SLC6A3: variants seen among roughly 807,000 people sequenced by gnomAD.
The protein encoded by SLC6A3 is sodium-dependent dopamine transporter.
Under a neutral mutation model 70.4 loss-of-function variants are expected in SLC6A3, and 19 were observed. The observed-to-expected ratio is 0.27, with a 90% CI of 0.19 to 0.40. The LOEUF (loss-of-function observed/expected upper bound fraction) is 0.40. Among genes scored for constraint, SLC6A3 ranks in the 10% least tolerant of loss-of-function variants. The pLI, the probability that SLC6A3 is intolerant of heterozygous loss-of-function variation, is 1.00. For synonymous variants in SLC6A3, 368 were observed against 356.6 expected, an observed-to-expected ratio of 1.03 and a Z score of -0.36; for missense variants, 613 against 838.5, an observed-to-expected ratio of 0.73 and a Z score of 3.32.
rs527539343 is a variant in SLC6A3, at chr5:1,424,932, G to C, written c.654-2918C>G. On this transcript the variant is annotated intron_variant, in intron 4 of 14. Coordinates refer to ENST00000270349, the MANE Select transcript of SLC6A3 (RefSeq NM_001044.5). ...CACAGCATGGGAACCAGCCATGCCA[G>C]GAGCAGGGGAAAGCTGTGCGTCTCC... Among the ~76,000 whole-genome samples, 45 of 152,368 alleles carry C rather than the reference G, an allele frequency of 3.0e-4. No individual in the cohort carries two copies. In the South Asian group the frequency reaches 8.9e-3, roughly 30 times the overall value.
chr5:1,407,791 C>T (rs1222994540), intron 11 of SLC6A3, among the ~76,000 whole-genome samples: 1 of 152,180 alleles, frequency 6.6e-6, no homozygotes, highest in African/African-American at 2.4e-5. Flanking sequence ...TTGATATTTC[C>T]GTTTTCTGTA....
Position 1,394,683 on chromosome 5 carries a change from CGT to C in SLC6A3, c.*50_*51del, listed in dbSNP as rs770614994. 154 of 1,573,784 alleles carry C rather than the reference CGT, an allele frequency of 9.8e-5. No individual in the cohort carries two copies. The highest frequency in any genetic ancestry group is 1.2e-4 in the Non-Finnish European group (140 of 1,143,304). On this transcript the variant is annotated 3_prime_UTR_variant, in exon 15 of 15. Transcript: ENST00000270349. This position sits in a 1 kb window ranked among gnomAD's most constrained non-coding sequence, Gnocchi z 4.7. ...GAAACTTAGATTTCCTTGGTTTGTT[CGT>C]GTCTCTCCCATTGCAGGATGACTTC...
intron 6 of SLC6A3, among the ~76,000 whole-genome samples, chr5:1,417,350 C>G (rs945139956): frequency 6.6e-6 from 1 of 152,248 alleles, no homozygotes; most frequent in Admixed American, 6.5e-5. Flanking sequence ...ATGGCAGCAC[C>G]CTGATAACCC....
intron 6 of SLC6A3, chr5:1,416,519 C>A (rs1579711519): frequency 4.1e-6 from 2 of 488,098 alleles, no homozygotes; most frequent in East Asian, 7.9e-5. Flanking sequence ...AGCATGGACT[C>A]ATCCACACAC....
chr5:1,400,811 G>T, intron 14 of SLC6A3, 104 bp downstream of exon 14: 1 of 851,424 alleles, frequency 1.2e-6, no homozygotes, highest in Non-Finnish European at 2.0e-6. Flanking sequence ...GAGTAAATGA[G>T]CACCATCTAC....
At chr5:1,444,472 ACAC>A (rs543056857) in intron 1 of SLC6A3, among the ~76,000 whole-genome samples, 130 of 152,104 alleles carry the variant, frequency 8.5e-4, no homozygotes, top group African/African-American at 3.0e-3. Flanking sequence ...GCGCACACAC[ACAC>A]AACGACTGAA....
rs752111536 is a variant in SLC6A3, at chr5:1,405,597, C to A, written c.1599+591G>T. Among the ~76,000 whole-genome samples the A allele has an allele frequency of 2.6e-5, 4 of 152,246 alleles. No individual in the cohort carries two copies. The highest frequency in any genetic ancestry group is 4.4e-5 in the Non-Finnish European group (3 of 68,036). ...CTGTGGTTCAGTGGGGGAAGCACTGCAGGCAATCCCTAATGAAAGTGTGCG... is the reference window on the plus strand; with the variant it reads ...CTGTGGTTCAGTGGGGGAAGCACTGAAGGCAATCCCTAATGAAAGTGTGCG... On this transcript the variant is annotated intron_variant, in intron 12 of 14. Coordinates refer to ENST00000270349, the MANE Select transcript of SLC6A3 (RefSeq NM_001044.5). This position sits in a 1 kb window ranked among gnomAD's most constrained non-coding sequence, Gnocchi z 5.3.
intron 4 of SLC6A3, among the ~76,000 whole-genome samples, chr5:1,429,020 C>T (rs1018570710): frequency 6.6e-6 from 1 of 152,226 alleles, no homozygotes; most frequent in Admixed American, 6.5e-5. Flanking sequence ...GGACAAAGAG[C>T]TGCACTGTCA....
chr5:1,404,914 C>G lies in SLC6A3; in HGVS notation c.1599+1274G>C, dbSNP rs1375203364. ...TTATCTCCTAAGATCGAGGTCAGCC[C>G]TCTGGGTGTTAAGAGGAGACACCCC... On this transcript the variant is annotated intron_variant, in intron 12 of 14. Coordinates refer to ENST00000270349, the MANE Select transcript of SLC6A3 (RefSeq NM_001044.5). This position sits in a 1 kb window ranked among gnomAD's most constrained non-coding sequence, Gnocchi z 5.2. 2.0e-5 allele frequency among the ~76,000 whole-genome samples: 3 copies of G among 152,184 alleles called. No homozygotes were observed. The highest frequency in any genetic ancestry group is 6.5e-5 in the Admixed American group (1 of 15,290).
rs751429563 is a variant in SLC6A3, at chr5:1,416,248, C to T, written c.928-47G>A. 2.7e-6 allele frequency: 4 copies of T among 1,458,208 alleles called. No homozygotes were observed. In the Admixed American group the frequency reaches 6.7e-5, roughly 25 times the overall value. 90.3% of individuals were successfully genotyped at this position (1,458,208 alleles called of 1,614,324 possible). A position where few individuals can be genotyped will look rare whatever the true frequency, so the allele number is the denominator to read the frequency against. On this transcript the variant is annotated intron_variant, in intron 6 of 14. Transcript: ENST00000270349. ...AGAGGCTGTCCCAGGAGAACGCAGGCCACAGGCAAAGGACCTGAGCACCCT... is the reference window on the plus strand; with the variant it reads ...AGAGGCTGTCCCAGGAGAACGCAGGTCACAGGCAAAGGACCTGAGCACCCT...
chr5:1,420,264 G>A (rs1181163163), intron 6 of SLC6A3, among the ~76,000 whole-genome samples: 1 of 152,212 alleles, frequency 6.6e-6, no homozygotes, highest in Non-Finnish European at 1.5e-5. Flanking sequence ...TTCTGGACAA[G>A]GGTCCCATCC....
rs763104278 is a variant in SLC6A3, at chr5:1,437,876, G to C, written c.418+3483C>G. Among the ~76,000 whole-genome samples, 2 of 152,182 alleles carry C rather than the reference G, an allele frequency of 1.3e-5. No homozygotes were observed. Among genetic ancestry groups the C allele is most frequent in the African/African-American group, 2.4e-5 (1 of 41,448 alleles). On this transcript the variant is annotated intron_variant, in intron 3 of 14. Coordinates refer to ENST00000270349, the MANE Select transcript of SLC6A3 (RefSeq NM_001044.5). This position sits in a 1 kb window ranked among gnomAD's most constrained non-coding sequence, Gnocchi z 4.8. ...TTTAGCTGATGTCTTAATTTACCAC[G>C]TGGCACTTCTATTCAATGAGACATG...
Position 1,406,926 on chromosome 5 carries a change from TAG to T in SLC6A3, c.1499-640_1499-639del, listed in dbSNP as rs2126333706. ...GCCTCTGCAACTGGTTTACTCCCTG[TAG>T]AGTGTCCCTGAGGCCACCTAAGCTG... is the stretch of plus-strand genomic sequence containing the variant. On this transcript the variant is annotated intron_variant, in intron 11 of 14. Transcript: ENST00000270349. The surrounding 1 kb of genome is among the most constrained non-coding windows in gnomAD (Gnocchi z 8.8). Among the ~76,000 whole-genome samples the T allele has an allele frequency of 6.6e-6, 1 of 152,330 alleles. No individual in the cohort carries two copies. The highest frequency in any genetic ancestry group is 1.9e-4 in the East Asian group (1 of 5,168).
Position 1,394,875 on chromosome 5 carries a change from T to C in SLC6A3, c.1840-117A>G. The stretch of plus-strand genomic sequence containing the variant: ...CAGACAGTTTGCAGCCTCCTGGCCA[T>C]GTGCCCTGGGAGAAGGGGAGGCTCA... On this transcript the variant is annotated intron_variant, in intron 14 of 14. Coordinates refer to ENST00000270349, the MANE Select transcript of SLC6A3 (RefSeq NM_001044.5). This position sits in a 1 kb window ranked among gnomAD's most constrained non-coding sequence, Gnocchi z 4.7. 8.8e-7 allele frequency: 1 copy of C among 1,140,096 alleles called. No homozygotes were observed. The highest frequency in any genetic ancestry group is 1.3e-6 in the Non-Finnish European group (1 of 755,062). The allele number at this position is 1,140,096 out of a possible 1,614,324, so 70.6% of individuals were successfully genotyped here.
At chr5:1,403,812 G>A (rs572078237) in intron 12 of SLC6A3, among the ~76,000 whole-genome samples, 7 of 152,150 alleles carry the variant, frequency 4.6e-5, no homozygotes, top group Non-Finnish European at 1.0e-4. Flanking sequence ...GCCACTTGGA[G>A]GGGAAGCTTC....
rs1303592321 is a variant in SLC6A3, at chr5:1,442,430, C to T, written c.286+482G>A. On this transcript the variant is annotated intron_variant, in intron 2 of 14. Coordinates refer to ENST00000270349, the MANE Select transcript of SLC6A3 (RefSeq NM_001044.5). This position sits in a 1 kb window ranked among gnomAD's most constrained non-coding sequence, Gnocchi z 5.0. ...TTGGACGTCCCCGGTGGCCCTGCCT[C>T]GATCTTCGCTTTCTGGCTCTGTGGC... 6.6e-6 allele frequency among the ~76,000 whole-genome samples: 1 copy of T among 152,140 alleles called. No homozygotes were observed. Among genetic ancestry groups the T allele is most frequent in the East Asian group, 1.9e-4 (1 of 5,186 alleles).
chr5:1,442,689 C>T lies in SLC6A3; in HGVS notation c.286+223G>A, dbSNP rs1447036759. 6.6e-6 allele frequency among the ~76,000 whole-genome samples: 1 copy of T among 152,080 alleles called. No individual in the cohort carries two copies. The highest frequency in any genetic ancestry group is 1.5e-5 in the Non-Finnish European group (1 of 68,008). Reference sequence around the variant, plus strand: ...CCAGCTTCTTCGCGGGCCTCCCTTTCCTAAACTCTGAAATGCAGGCGTGGG... The same window carrying T: ...CCAGCTTCTTCGCGGGCCTCCCTTTTCTAAACTCTGAAATGCAGGCGTGGG... On this transcript the variant is annotated intron_variant, in intron 2 of 14. Coordinates refer to ENST00000270349, the MANE Select transcript of SLC6A3 (RefSeq NM_001044.5). The surrounding 1 kb of genome is among the most constrained non-coding windows in gnomAD (Gnocchi z 5.0).
rs989102938 is a variant in SLC6A3, at chr5:1,394,558, G to A, written c.*177C>T. 10 of 730,182 alleles carry A rather than the reference G, an allele frequency of 1.4e-5. No homozygotes were observed. Among genetic ancestry groups the A allele is most frequent in the African/African-American group, 6.9e-5 (4 of 58,072 alleles). The allele number at this position is 730,182 out of a possible 1,614,324, so 45.2% of individuals were successfully genotyped here. ...ACAAGACACGGCGAGGTGCGCTCCC[G>A]GCACGGAAAGGTGTAAACAGTCAGA... is the stretch of plus-strand genomic sequence containing the variant. On this transcript the variant is annotated 3_prime_UTR_variant, in exon 15 of 15. Coordinates refer to ENST00000270349, the MANE Select transcript of SLC6A3 (RefSeq NM_001044.5). The surrounding 1 kb of genome is among the most constrained non-coding windows in gnomAD (Gnocchi z 4.7).
intron 8 of SLC6A3, among the ~76,000 whole-genome samples, chr5:1,414,408 T>TG (rs1756207537): frequency 3.5e-5 from 1 of 28,752 alleles, no homozygotes; most frequent in Admixed American, 3.9e-4. Context: ...TGGGGGGGCC[T>TG]GGAGGGGCAG....
Sources: gnomAD v4.1 joint callset for allele counts (sites outside exome capture counted in the v4.1 genomes callset) on GRCh38, gnomAD v4.1.1 for gene constraint, Gnocchi (gnomAD v3.1) non-coding constraint, MANE v1.5 for transcripts, NCBI Gene and HGNC (gene_info 2026-07-23, HGNC 2026-07-21) for gene names.